Variants in FAR2 observed in about 807,000 individuals in gnomAD.
FAR2 encodes the protein fatty acyl-CoA reductase 2, also known as epididymis secretory protein Li 81.
In FAR2, 19 loss-of-function variants were observed where a neutral mutation model predicts 56.0. That is an observed-to-expected ratio of 0.34 (90% confidence interval 0.24 to 0.50). The LOEUF (loss-of-function observed/expected upper bound fraction) is 0.50. FAR2 is among the 20% of genes least tolerant of loss of function. FAR2 has a pLI of 0.98. For synonymous variants in FAR2, 219 were observed against 218.8 expected (o/e 1.00, Z -0.01); for missense variants, 508 against 642.2 (o/e 0.79, Z 2.26).
At chr12:29,151,036 T>A (rs1367804178) in intron 1 of FAR2, among the ~76,000 whole-genome samples, 1 of 152,240 alleles carries the variant, frequency 6.6e-6, no homozygotes, top group Non-Finnish European at 1.5e-5. Context: ...TTGGGGTTTA[T>A]AAAGCATATG....
Position 29,308,670 on chromosome 12 carries a change from A to G in FAR2, c.724-516A>G, listed in dbSNP as rs190454069. Among the ~76,000 whole-genome samples the G allele has an allele frequency of 1.9e-3, 255 of 131,584 alleles. 1 individual carries two copies. The highest frequency in any genetic ancestry group is 6.9e-3 in the African/African-American group (232 of 33,774). The allele number at this position is 131,584 out of a possible 152,430, so 86.3% of individuals were successfully genotyped here. On this transcript the variant is annotated intron_variant, in intron 5 of 11. Transcript: ENST00000536681. ...CTCTGTAACATCTTTAAGTAAGTCA[A>G]TATACACACAGACACACAGACACAC...
chr12:29,202,022 T>G (rs1422181118), intron 1 of FAR2, among the ~76,000 whole-genome samples: 1 of 152,206 alleles, frequency 6.6e-6, no homozygotes, highest in African/African-American at 2.4e-5. Context: ...TTATACCACA[T>G]AGAGGATTTT....
At chr12:29,238,371 TTC>T (rs918996255) in intron 1 of FAR2, among the ~76,000 whole-genome samples, 6 of 152,130 alleles carry the variant, frequency 3.9e-5, no homozygotes, top group East Asian at 1.9e-4. Context: ...AGTGCCAATT[TTC>T]TCTCTCTCTG....
intron 1 of FAR2, among the ~76,000 whole-genome samples, chr12:29,216,558 G>A (rs1033179873): frequency 2.0e-5 from 3 of 152,062 alleles, no homozygotes; most frequent in African/African-American, 7.2e-5. Flanking sequence ...TTTTACATGT[G>A]AGCGCCCACT....
At chr12:29,311,217 A>C (rs1271004124) in intron 7 of FAR2, 71 bp downstream of exon 7, 4 of 1,045,662 alleles carry the variant, frequency 3.8e-6, no homozygotes. Flanking sequence ...CCATTTTCCA[A>C]ATATAGGCAT....
chr12:29,164,912 G>A (rs781305590), intron 1 of FAR2, among the ~76,000 whole-genome samples: 1 of 152,190 alleles, frequency 6.6e-6, no homozygotes, highest in Non-Finnish European at 1.5e-5. Flanking sequence ...AGCAGTATGA[G>A]TGGAGTTCCT....
chr12:29,311,862 A>T, intron 7 of FAR2, 21 bp from the exon 8 acceptor site: 2 of 1,537,694 alleles, frequency 1.3e-6, no homozygotes, highest in African/African-American at 2.7e-5. Flanking sequence ...GTACTTATCT[A>T]ATTTTTATTT....
intron 5 of FAR2, among the ~76,000 whole-genome samples, chr12:29,308,705 C>CAT (rs1489134888): frequency 4.2e-4 from 56 of 132,584 alleles, no homozygotes; most frequent in African/African-American, 1.1e-3. Context: ...CACACACACA[C>CAT]ACACACACAC....
chr12:29,301,932 G>C (rs985153226), intron 4 of FAR2: 11 of 152,094 alleles, frequency 7.2e-5, no homozygotes, highest in Admixed American at 6.5e-5. Flanking sequence ...GGCAGTGGTA[G>C]AGATTAAAAG....
intron 2 of FAR2, among the ~76,000 whole-genome samples, chr12:29,278,962 T>G (rs971597925): frequency 2.0e-5 from 3 of 152,220 alleles, no homozygotes; most frequent in Non-Finnish European, 4.4e-5. Context: ...CTTTCTGAAT[T>G]GAAGACAACT....
At chr12:29,321,677 G>T (rs1391096697) in intron 9 of FAR2, 118 bp from the exon 10 acceptor site, 3 of 1,154,736 alleles carry the variant, frequency 2.6e-6, no homozygotes, top group African/African-American at 3.2e-5. Context: ...GAATTTTAAT[G>T]AGGAGTGGTA....
intron 1 of FAR2, among the ~76,000 whole-genome samples, chr12:29,228,020 ATACC>A (rs1947797378): frequency 6.6e-6 from 1 of 152,062 alleles, no homozygotes; most frequent in Non-Finnish European, 1.5e-5. Flanking sequence ...ATTAGGAGAT[ATACC>A]TAATGTAAAT....
At chr12:29,186,821 C>CAG (rs1950048214) in intron 1 of FAR2, among the ~76,000 whole-genome samples, 1 of 151,732 alleles carries the variant, frequency 6.6e-6, no homozygotes, top group Non-Finnish European at 1.5e-5. Flanking sequence ...CGGAGTCTCG[C>CAG]TCTGTCGCCC....
intron 1 of FAR2, among the ~76,000 whole-genome samples, chr12:29,248,070 A>G (rs1948155686): frequency 6.6e-6 from 1 of 152,194 alleles, no homozygotes; most frequent in South Asian, 2.1e-4. Flanking sequence ...TTTGATGTTC[A>G]TAGTAAATAG....
At chr12:29,174,359 A>G (rs1200811500) in intron 1 of FAR2, among the ~76,000 whole-genome samples, 1 of 141,004 alleles carries the variant, frequency 7.1e-6, no homozygotes, top group Non-Finnish European at 1.5e-5. Flanking sequence ...CCTGGAGTTT[A>G]TACTAGAAAT....
chr12:29,256,721 G>A lies in FAR2; in HGVS notation c.-38-13691G>A, dbSNP rs189464142. On this transcript the variant is annotated intron_variant, in intron 1 of 11. Coordinates refer to ENST00000536681, the MANE Select transcript of FAR2 (RefSeq NM_001271783.2). ...AGTTCCGGGTGGGCGTGGGCTTGGC[G>A]GGCCCTGCACTCGGAGCACTCGGCC... Among the ~76,000 whole-genome samples the A allele has an allele frequency of 6.2e-3, 939 of 152,260 alleles. 4 individuals are homozygous for A. The highest frequency in any genetic ancestry group is 0.027 in the Middle Eastern group (8 of 294).
At chr12:29,328,734 G>A (rs1458473030) in intron 10 of FAR2, among the ~76,000 whole-genome samples, 2 of 142,806 alleles carry the variant, frequency 1.4e-5, no homozygotes, top group Non-Finnish European at 3.0e-5. Flanking sequence ...ACACACCGGG[G>A]CCTGTTGTGG....
intron 2 of FAR2, 103 bp from the exon 3 acceptor site, chr12:29,293,197 C>A: frequency 9.9e-7 from 1 of 1,008,784 alleles, no homozygotes; most frequent in Non-Finnish European, 1.4e-6. Context: ...GTTATTACAA[C>A]TAAAACCAGT....
At chr12:29,307,562 TA>T in intron 4 of FAR2, 95 bp from the exon 5 acceptor site, 9 of 1,268,812 alleles carry the variant, frequency 7.1e-6, no homozygotes, top group African/African-American at 1.5e-5. Flanking sequence ...GAACCGAGGC[TA>T]AAAGGTGGAA....
Sources: gnomAD v4.1 joint callset for allele counts (sites outside exome capture counted in the v4.1 genomes callset) on GRCh38, gnomAD v4.1.1 for gene constraint, MANE v1.5 for transcripts, NCBI Gene and HGNC (gene_info 2026-07-23, HGNC 2026-07-21) for gene names.